GLIPR1L1: variants seen among roughly 807,000 people sequenced by gnomAD.
The protein encoded by GLIPR1L1 is GLIPR1 like 1.
Under a neutral mutation model 29.9 loss-of-function variants are expected in GLIPR1L1, and 26 were observed. The ratio of observed to expected loss-of-function variants is 0.87; its 90% CI spans 0.64 to 1.21. The LOEUF (loss-of-function observed/expected upper bound fraction) is 1.21, where lower values mean the gene tolerates loss of function less well. GLIPR1L1 is among the 50% of genes most tolerant of loss of function. GLIPR1L1 has a pLI of 0.00. For synonymous variants in GLIPR1L1, 77 were observed against 97.5 expected (o/e 0.79, Z 1.24); for missense variants, 305 against 290.3 (o/e 1.05, Z -0.37).
chr12:75,346,422 G>A (rs531357408), intron 2 of GLIPR1L1, among the ~76,000 whole-genome samples: 26 of 149,636 alleles, frequency 1.7e-4, no homozygotes, highest in African/African-American at 5.4e-4. Flanking sequence ...ACGGAGTCTC[G>A]CCCTGTAACC....
At chr12:75,352,975 C>A (rs2042910803) in intron 3 of GLIPR1L1, among the ~76,000 whole-genome samples, 1 of 152,128 alleles carries the variant, frequency 6.6e-6, no homozygotes, top group African/African-American at 2.4e-5. Context: ...ACACTAGAAT[C>A]TCTGGGACGC....
In GLIPR1L1 at chr12:75,336,306, C is replaced by A. The variant is rs943446981; in HGVS notation, c.174+1404C>A. Among the ~76,000 whole-genome samples the A allele has an allele frequency of 3.3e-5, 5 of 151,796 alleles. No individual in the cohort carries two copies. In the East Asian group the frequency reaches 9.6e-4, roughly 29 times the overall value. ...AGGAACAAAAGAACAAAGAGGGAAT[C>A]ATTTAAAAATAGCAAATGGTAGACT... On this transcript the variant is annotated intron_variant, in intron 1 of 5. Coordinates refer to ENST00000378695, the MANE Select transcript of GLIPR1L1 (RefSeq NM_001304964.2).
chr12:75,349,488 A>G (rs1179991936), intron 3 of GLIPR1L1, among the ~76,000 whole-genome samples: 1 of 152,216 alleles, frequency 6.6e-6, no homozygotes, highest in African/African-American at 2.4e-5. Context: ...GGAAAAAAAT[A>G]AGACATAAGA....
chr12:75,352,232 C>T (rs60691722), intron 3 of GLIPR1L1, among the ~76,000 whole-genome samples: 1,803 of 152,300 alleles, frequency 0.012, 29 homozygotes, highest in African/African-American at 0.041. Context: ...AAAGAGCCAA[C>T]ATCCATCAGT....
rs1325673816 is a variant in GLIPR1L1, at chr12:75,364,142, T to C, written c.610+952T>C. ...TATCAGATTGAAAGAGTCTCTTCTA[T>C]TAGACTTAAGATCTGTATTGGTGTT... On this transcript the variant is annotated intron_variant, in intron 4 of 5. Transcript: ENST00000378695. Among the ~76,000 whole-genome samples, 10 of 152,204 alleles carry C rather than the reference T, an allele frequency of 6.6e-5. No individual in the cohort carries two copies. In the East Asian group the frequency reaches 1.9e-3, roughly 29 times the overall value.
At chr12:75,349,792 T>C (rs191538243) in intron 3 of GLIPR1L1, among the ~76,000 whole-genome samples, 148 of 152,178 alleles carry the variant, frequency 9.7e-4, no homozygotes, top group Middle Eastern at 3.4e-3. Flanking sequence ...ATGATTGCCT[T>C]GAGAAACAGA....
intron 5 of GLIPR1L1, 25 bp from the exon 6 acceptor site, chr12:75,370,060 C>A: frequency 6.9e-7 from 1 of 1,447,148 alleles, no homozygotes; most frequent in Non-Finnish European, 9.7e-7. Flanking sequence ...CTTAACTATT[C>A]TGGTTTTGTT....
At chr12:75,358,898 AATTATAT>A (rs200557765) in intron 3 of GLIPR1L1, among the ~76,000 whole-genome samples, 3,735 of 141,182 alleles carry the variant, frequency 0.026, 87 homozygotes, top group East Asian at 0.038. Flanking sequence ...TATTACATAT[AATTATAT>A]ATTATATTAG....
At chr12:75,364,521 G>A (rs1448031120) in intron 4 of GLIPR1L1, among the ~76,000 whole-genome samples, 1 of 152,186 alleles carries the variant, frequency 6.6e-6, no homozygotes, top group Non-Finnish European at 1.5e-5. Flanking sequence ...CAATTTAAAT[G>A]TTCCAGCCCA....
intron 1 of GLIPR1L1, among the ~76,000 whole-genome samples, chr12:75,338,009 A>G (rs1454937744): frequency 1.3e-5 from 2 of 152,126 alleles, no homozygotes; most frequent in Non-Finnish European, 2.9e-5. Context: ...GTAATTTAAA[A>G]TATTCTTAAC....
intron 3 of GLIPR1L1, among the ~76,000 whole-genome samples, chr12:75,351,767 G>A (rs1185487901): frequency 2.6e-5 from 4 of 152,036 alleles, no homozygotes; most frequent in African/African-American, 7.2e-5. Flanking sequence ...GCCTGGTCTC[G>A]AACTCCTGAC....
At chr12:75,368,962 T>C (rs1013225243) in intron 4 of GLIPR1L1, among the ~76,000 whole-genome samples, 7 of 152,020 alleles carry the variant, frequency 4.6e-5, no homozygotes, top group Non-Finnish European at 1.0e-4. Context: ...ATGTACTTCA[T>C]GTGTAGTTAT....
At position 75,334,917 on chromosome 12, in the gene GLIPR1L1, G is replaced by C. The variant is rs761650107; in HGVS notation, c.174+15G>C. On this transcript the variant is annotated intron_variant, in intron 1 of 5. Transcript: ENST00000378695. ...TGAAATACATGGTGAGAAAGAACCA[G>C]GGCTGGGCTCTTAAATCCCTGACTC... 1.2e-6 allele frequency: 2 copies of C among 1,609,944 alleles called. No individual in the cohort carries two copies. Among genetic ancestry groups the C allele is most frequent in the Non-Finnish European group, 1.7e-6 (2 of 1,177,764 alleles).
rs980530348 is a variant in GLIPR1L1, at chr12:75,363,200, A to T, written c.610+10A>T. 49 of 1,225,014 alleles carry T rather than the reference A, an allele frequency of 4.0e-5. 1 individual carries two copies. The highest frequency in any genetic ancestry group is 8.5e-5 in the Admixed American group (3 of 35,262). 75.9% of individuals were successfully genotyped at this position (1,225,014 alleles called of 1,614,324 possible). A position where few individuals can be genotyped will look rare whatever the true frequency, so the allele number is the denominator to read the frequency against. ...GTAAAGAACCTCTGCAGTAAGCAAAAATATATATATATAATTACATTTAGA... is the reference window on the plus strand; with the variant it reads ...GTAAAGAACCTCTGCAGTAAGCAAATATATATATATATAATTACATTTAGA... On this transcript the variant is annotated intron_variant, in intron 4 of 5. Coordinates refer to ENST00000378695, the MANE Select transcript of GLIPR1L1 (RefSeq NM_001304964.2).
At chr12:75,362,685 G>A (rs917198167) in intron 3 of GLIPR1L1, among the ~76,000 whole-genome samples, 9 of 152,152 alleles carry the variant, frequency 5.9e-5, no homozygotes, top group South Asian at 2.1e-4. Context: ...CTGTCAAGTC[G>A]TACATCATCA....
At chr12:75,335,446 A>G (rs1007798548) in intron 1 of GLIPR1L1, among the ~76,000 whole-genome samples, 2 of 152,204 alleles carry the variant, frequency 1.3e-5, no homozygotes, top group Non-Finnish European at 2.9e-5. Context: ...AAAATTTTAA[A>G]TACTTGACTA....
At chr12:75,350,438 C>T (rs1304845723) in intron 3 of GLIPR1L1, among the ~76,000 whole-genome samples, 2 of 152,192 alleles carry the variant, frequency 1.3e-5, no homozygotes, top group African/African-American at 2.4e-5. Context: ...CATACAGGAG[C>T]ATTCTGGCGG....
At chr12:75,358,309 T>C (rs2043288452) in intron 3 of GLIPR1L1, among the ~76,000 whole-genome samples, 1 of 151,806 alleles carries the variant, frequency 6.6e-6, no homozygotes, top group African/African-American at 2.4e-5. Context: ...CTCACAAACA[T>C]AGGTACAAAA....
At chr12:75,364,946 T>C (rs1292224271) in intron 4 of GLIPR1L1, 1 of 152,180 alleles carries the variant, frequency 6.6e-6, no homozygotes, top group Non-Finnish European at 1.5e-5. Context: ...TTATTTATGG[T>C]TAGAATGGAT....
Sources: gnomAD v4.1 joint callset for allele counts (sites outside exome capture counted in the v4.1 genomes callset) on GRCh38, gnomAD v4.1.1 for gene constraint, MANE v1.5 for transcripts, NCBI Gene and HGNC (gene_info 2026-07-23, HGNC 2026-07-21) for gene names.